The following ZC3H18 variants were observed in gnomAD, a reference collection of about 807,000 sequenced individuals.
The protein encoded by ZC3H18 is zinc finger CCCH domain-containing protein 18.
A neutral mutation model predicts 106.1 loss-of-function variants in ZC3H18; 8 were observed. That is an observed-to-expected ratio of 0.08 (90% confidence interval 0.04 to 0.14). The LOEUF (loss-of-function observed/expected upper bound fraction) is 0.14. Ranked by LOEUF, ZC3H18 falls within the 10% of genes least tolerant of loss-of-function variation. ZC3H18 has a pLI of 1.00. For synonymous variants in ZC3H18, 635 were observed against 522.1 expected (o/e 1.22, Z -2.95); for missense variants, 1,318 against 1,278.4 (o/e 1.03, Z -0.47).
chr16:88,616,156 C>G (rs183696541), intron 8 of ZC3H18, among the ~76,000 whole-genome samples: 1 of 152,224 alleles, frequency 6.6e-6, no homozygotes, highest in South Asian at 2.1e-4. Flanking sequence ...GTCTTACATT[C>G]AGGAAGGGAC....
intron 1 of ZC3H18, among the ~76,000 whole-genome samples, chr16:88,575,663 T>A (rs1260852742): frequency 6.6e-6 from 1 of 152,062 alleles, no homozygotes; most frequent in Non-Finnish European, 1.5e-5. Context: ...TATAATTTAA[T>A]CTGGATTAGT....
chr16:88,615,996 G>T (rs578168664), intron 8 of ZC3H18, among the ~76,000 whole-genome samples: 1 of 152,310 alleles, frequency 6.6e-6, no homozygotes, highest in South Asian at 2.1e-4. Flanking sequence ...GCAGATTCCC[G>T]ACTGCTGTGC....
chr16:88,581,000 G>C (rs898954576), intron 2 of ZC3H18, among the ~76,000 whole-genome samples: 1 of 152,210 alleles, frequency 6.6e-6, no homozygotes, highest in African/African-American at 2.4e-5. Context: ...CCAGTCAGGA[G>C]AGGGACTGAT....
intron 1 of ZC3H18, among the ~76,000 whole-genome samples, chr16:88,576,712 C>T (rs1026153582): frequency 6.6e-6 from 1 of 152,208 alleles, no homozygotes; most frequent in Admixed American, 6.5e-5. Context: ...TTCCTCGTTC[C>T]ATGATACAGT....
At chr16:88,612,864 G>A (rs1014170462) in intron 8 of ZC3H18, among the ~76,000 whole-genome samples, 6 of 151,920 alleles carry the variant, frequency 3.9e-5, no homozygotes, top group South Asian at 4.2e-4. Flanking sequence ...TTAGCAGGGC[G>A]TGGTAGTGCA....
intron 8 of ZC3H18, among the ~76,000 whole-genome samples, chr16:88,617,300 G>C (rs145741159): frequency 2.6e-5 from 4 of 152,118 alleles, no homozygotes; most frequent in African/African-American, 4.8e-5. Flanking sequence ...CTGGACCTGC[G>C]GCTGGAGACG....
At chr16:88,582,760 A>G (rs757895230) in intron 2 of ZC3H18, among the ~76,000 whole-genome samples, 1 of 152,102 alleles carries the variant, frequency 6.6e-6, no homozygotes, top group Non-Finnish European at 1.5e-5. Flanking sequence ...GAGGCCTCAG[A>G]AGCTCTGAGA....
rs971098180 is a variant in ZC3H18, at chr16:88,631,468, A to C, written c.*169A>C. The C allele has an allele frequency of 3.4e-6, 3 of 894,394 alleles. No homozygotes were observed. The highest frequency in any genetic ancestry group is 1.6e-5 in the South Asian group (1 of 64,514). 55.4% of individuals were successfully genotyped at this position (894,394 alleles called of 1,614,324 possible). ...CACACAGGAAATGACAACGACGCTG[A>C]ATCCCAGCCTCCCTCCCCAGAGCAG... On this transcript the variant is annotated 3_prime_UTR_variant, in exon 18 of 18. Transcript: ENST00000301011.
At chr16:88,592,978 A>G (rs917302158) in intron 3 of ZC3H18, among the ~76,000 whole-genome samples, 27 of 152,260 alleles carry the variant, frequency 1.8e-4, no homozygotes, top group African/African-American at 6.0e-4. Context: ...GTACAGTTCC[A>G]TGATTATATA....
At chr16:88,624,326 G>C in intron 11 of ZC3H18, 1 of 654,246 alleles carries the variant, frequency 1.5e-6, no homozygotes, top group Non-Finnish European at 2.6e-6. Context: ...GTGTTCTTAA[G>C]GGGTCTTCCT....
At chr16:88,608,000 G>A (rs1215953509) in intron 6 of ZC3H18, among the ~76,000 whole-genome samples, 1 of 152,066 alleles carries the variant, frequency 6.6e-6, no homozygotes, top group East Asian at 1.9e-4. Flanking sequence ...CCTCCTAACT[G>A]GTTATAATCT....
rs1279902454 is a variant in ZC3H18, at chr16:88,630,512, G to A, written c.2594G>A (p.Arg865Lys). 1 of 1,613,486 alleles carries A rather than the reference G, an allele frequency of 6.2e-7. No individual in the cohort carries two copies. Among genetic ancestry groups the A allele is most frequent in the Admixed American group, 1.7e-5 (1 of 59,994 alleles). The change falls in exon 17 of 18, where the codon AGA becomes AAA. Residue 865 changes from arginine to lysine, a missense_variant. Physicochemically the swap from Arg to Lys is conservative, Grantham distance 26 (BLOSUM62 2). Transcript: ENST00000301011. ...RGSRDRKSGG[R>K]LGSPKPERQR... is the part of the protein sequence containing the mutation. Reference sequence around the variant, plus strand: ...TCTCGGGACCGGAAGTCAGGTGGGAGACTGGGCTCCCCGAAGCCAGAGCGG... The same window carrying A: ...TCTCGGGACCGGAAGTCAGGTGGGAAACTGGGCTCCCCGAAGCCAGAGCGG...
intron 9 of ZC3H18, 92 bp from the exon 10 acceptor site, chr16:88,623,125 CTG>C: frequency 2.0e-6 from 3 of 1,514,898 alleles, no homozygotes; most frequent in South Asian, 1.2e-5. Flanking sequence ...AGCTGTGCGT[CTG>C]TGGGTGTGTA....
At chr16:88,621,823 G>T (rs1411780693) in intron 8 of ZC3H18, among the ~76,000 whole-genome samples, 1 of 152,172 alleles carries the variant, frequency 6.6e-6, no homozygotes, top group African/African-American at 2.4e-5. Flanking sequence ...GAACCTACTA[G>T]TATATCAGCA....
chr16:88,588,239 T>G (rs1915549508), intron 3 of ZC3H18, among the ~76,000 whole-genome samples: 1 of 152,238 alleles, frequency 6.6e-6, no homozygotes, highest in Admixed American at 6.5e-5. Flanking sequence ...TGGAGAACAA[T>G]CTGTACACAT....
rs753055809 is a variant in ZC3H18 at position 88,624,080 on chromosome 16, G to C, written c.1898+18G>C. ...AAAGCAGGGTGAGTGCCCAGCCTGTGGGCAAGTCCTGGCCGGCCAGGCCTC... is the reference window on the plus strand; with the variant it reads ...AAAGCAGGGTGAGTGCCCAGCCTGTCGGCAAGTCCTGGCCGGCCAGGCCTC... On this transcript the variant is annotated intron_variant, in intron 11 of 17. Coordinates refer to ENST00000301011, the MANE Select transcript of ZC3H18 (RefSeq NM_144604.4). 84 of 1,604,504 alleles carry C rather than the reference G, an allele frequency of 5.2e-5. No homozygotes were observed. The highest frequency in any genetic ancestry group is 7.1e-5 in the Non-Finnish European group (83 of 1,175,358).
intron 3 of ZC3H18, among the ~76,000 whole-genome samples, chr16:88,597,229 A>G (rs79633181): frequency 1.9e-3 from 295 of 152,346 alleles, no homozygotes; most frequent in African/African-American, 6.8e-3. Context: ...TAGAAATTTT[A>G]AAAATTACTT....
chr16:88,625,575 C>T, intron 13 of ZC3H18: 1 of 388,154 alleles, frequency 2.6e-6, no homozygotes, highest in Non-Finnish European at 4.8e-6. Flanking sequence ...GCACCTGCAC[C>T]TGGGGAGGAG....
intron 2 of ZC3H18, among the ~76,000 whole-genome samples, chr16:88,580,003 C>T (rs1171322603): frequency 6.6e-6 from 1 of 152,102 alleles, no homozygotes; most frequent in African/African-American, 2.4e-5. Flanking sequence ...GACTTCAGGC[C>T]CCTGGGTTGC....
Sources: gnomAD v4.1 joint callset for allele counts (sites outside exome capture counted in the v4.1 genomes callset) on GRCh38, gnomAD v4.1.1 for gene constraint, MANE v1.5 for transcripts, NCBI Gene and HGNC (gene_info 2026-07-23, HGNC 2026-07-21) for gene names.